The following GNAO1 variants were observed in gnomAD, a reference collection of about 807,000 sequenced individuals.
The protein encoded by GNAO1 is guanine nucleotide-binding protein G(o) subunit alpha.
For missense variants in GNAO1, 166 were observed against 478.7 expected (o/e 0.35, Z 6.10); for synonymous variants, 164 against 180.7 (o/e 0.91, Z 0.74).
At chr16:56,328,899 G>A (rs528436867) in intron 4 of GNAO1, 108 bp downstream of exon 4, 32 of 1,114,202 alleles carry the variant, frequency 2.9e-5, no homozygotes, top group South Asian at 1.3e-4. Context: ...CTGAGGTCAC[G>A]CCTGCCGGGA....
intron 2 of GNAO1, among the ~76,000 whole-genome samples, chr16:56,250,337 A>G (rs1198212744): frequency 3.9e-5 from 6 of 152,214 alleles, no homozygotes; most frequent in Non-Finnish European, 5.9e-5. Context: ...CATCTCAAGG[A>G]AGGAATTCTT....
chr16:56,239,994 C>G (rs541993990), intron 2 of GNAO1, among the ~76,000 whole-genome samples: 1 of 152,292 alleles, frequency 6.6e-6, no homozygotes, highest in South Asian at 2.1e-4. Context: ...GCTTTTGAGT[C>G]AGAAGAACAA....
intron 6 of GNAO1, chr16:56,344,116 A>G (rs1406022400): frequency 4.1e-6 from 6 of 1,448,262 alleles, no homozygotes; most frequent in African/African-American, 1.4e-5. Flanking sequence ...GCACCCCCCA[A>G]CAGAACTTGT....
chr16:56,355,216 T>G, intron 8 of GNAO1, 135 bp downstream of exon 8: 1 of 225,730 alleles, frequency 4.4e-6, no homozygotes, highest in Non-Finnish European at 8.3e-6. Flanking sequence ...CTTATATATA[T>G]ATATATATAT....
intron 2 of GNAO1, among the ~76,000 whole-genome samples, chr16:56,260,363 C>G (rs377313171): frequency 1.3e-5 from 2 of 152,222 alleles, no homozygotes; most frequent in Admixed American, 1.3e-4. Context: ...GCCTGTTCTC[C>G]TTAGCCTGCT....
At chr16:56,251,839 A>C (rs986804092) in intron 2 of GNAO1, among the ~76,000 whole-genome samples, 3 of 152,138 alleles carry the variant, frequency 2.0e-5, no homozygotes, top group Admixed American at 6.5e-5. Flanking sequence ...CCAGTCAGCG[A>C]GGCTGCCATC....
intron 2 of GNAO1, among the ~76,000 whole-genome samples, chr16:56,256,718 C>CTCTCTGTGTG (rs1295470655): frequency 1.2e-4 from 9 of 72,214 alleles, no homozygotes; most frequent in African/African-American, 3.8e-4. Context: ...CTCTCTCTCT[C>CTCTCTGTGTG]TGTGTGTGTG....
At chr16:56,222,278 A>T (rs1455506320) in intron 2 of GNAO1, among the ~76,000 whole-genome samples, 1 of 152,118 alleles carries the variant, frequency 6.6e-6, no homozygotes. Context: ...AGGGCAAGTG[A>T]GGCAGCCTCC....
chr16:56,282,681 TA>T (rs371623360), intron 3 of GNAO1, among the ~76,000 whole-genome samples: 38 of 152,336 alleles, frequency 2.5e-4, no homozygotes, highest in African/African-American at 9.1e-4. Flanking sequence ...CAAGGGCTTT[TA>T]AAGGCAAGGG....
chr16:56,325,978 C>T (rs945593453), intron 3 of GNAO1, among the ~76,000 whole-genome samples: 1 of 152,200 alleles, frequency 6.6e-6, no homozygotes, highest in African/African-American at 2.4e-5. Context: ...GGTGGCCCAG[C>T]ATGGTCACAT....
chr16:56,322,042 G>A (rs573511873), intron 3 of GNAO1, among the ~76,000 whole-genome samples: 53 of 152,296 alleles, frequency 3.5e-4, no homozygotes, highest in African/African-American at 1.3e-3. Flanking sequence ...CTCTTAGACG[G>A]CCCCTTCTTG....
Position 56,328,627 on chromosome 16 carries a change from A to G in GNAO1, c.304-4A>G. ...CAAAGCCCACCATCCACCTCTCCTC[A>G]CAGGCTGACGCCAAGATGGTGTGTG... On this transcript the variant is annotated splice_region_variant and splice_polypyrimidine_tract_variant and intron_variant, in intron 3 of 8. Coordinates refer to ENST00000262493, the MANE Select transcript of GNAO1 (RefSeq NM_020988.3). The G allele has an allele frequency of 6.2e-7, 1 of 1,613,370 alleles. No individual in the cohort carries two copies. Among genetic ancestry groups the G allele is most frequent in the Non-Finnish European group, 8.5e-7 (1 of 1,179,378 alleles).
chr16:56,324,535 C>T (rs758050417), intron 3 of GNAO1, among the ~76,000 whole-genome samples: 2 of 152,228 alleles, frequency 1.3e-5, no homozygotes, highest in African/African-American at 4.8e-5. Context: ...GGAGCAGGAT[C>T]GCTGCAGGTC....
chr16:56,297,033 G>A (rs1319222654), intron 3 of GNAO1, among the ~76,000 whole-genome samples: 3 of 152,176 alleles, frequency 2.0e-5, no homozygotes, highest in Non-Finnish European at 4.4e-5. Context: ...AAGAATCCTG[G>A]TTAAAGTACT....
intron 2 of GNAO1, among the ~76,000 whole-genome samples, chr16:56,230,633 T>G (rs1411470424): frequency 1.3e-5 from 2 of 152,150 alleles, no homozygotes; most frequent in Non-Finnish European, 2.9e-5. Context: ...AAGACTTTGA[T>G]GTCACATAGC....
At chr16:56,332,245 C>A (rs530768307) in intron 4 of GNAO1, among the ~76,000 whole-genome samples, 13 of 152,312 alleles carry the variant, frequency 8.5e-5, no homozygotes, top group African/African-American at 3.1e-4. Flanking sequence ...CAAGGGCCTG[C>A]TTGCCCCAGC....
At chr16:56,211,492 G>A (rs2143333515) in intron 2 of GNAO1, among the ~76,000 whole-genome samples, 1 of 152,254 alleles carries the variant, frequency 6.6e-6, no homozygotes, top group Admixed American at 6.5e-5. Context: ...GGCTCTGCTA[G>A]CATCTCTAGA....
intron 6 of GNAO1, chr16:56,344,731 A>G: frequency 2.0e-6 from 2 of 985,542 alleles, no homozygotes; most frequent in Non-Finnish European, 2.4e-6. Flanking sequence ...CAGTCCTCGC[A>G]GGCCAAAGGG....
chr16:56,224,835 G>T (rs1287497664), intron 2 of GNAO1, among the ~76,000 whole-genome samples: 1 of 152,184 alleles, frequency 6.6e-6, no homozygotes. Context: ...TTGGCTCCTT[G>T]GGACTAATTT....
Sources: allele counts gnomAD v4.1 joint callset (sites outside exome capture counted in the v4.1 genomes callset), GRCh38; gene constraint gnomAD v4.1.1; transcripts MANE v1.5; gene names NCBI Gene and HGNC (gene_info 2026-07-23, HGNC 2026-07-21).